Variants in PSTPIP2 observed in about 807,000 individuals in gnomAD.
PSTPIP2 encodes proline-serine-threonine phosphatase-interacting protein 2.
A neutral mutation model predicts 63.3 loss-of-function variants in PSTPIP2; 33 were observed. That is an observed-to-expected ratio of 0.52 (90% CI 0.40 to 0.70). PSTPIP2 has a LOEUF of 0.70. PSTPIP2 is among the 30% of genes least tolerant of loss of function. PSTPIP2 has a pLI of 0.00. For synonymous variants in PSTPIP2, 125 were observed against 132.7 expected, an observed-to-expected ratio of 0.94 and a Z score of 0.40; for missense variants, 312 against 400.7, an observed-to-expected ratio of 0.78 and a Z score of 1.89.
At chr18:46,016,101 G>T in intron 3 of PSTPIP2, 164 bp from the exon 4 acceptor site, 1 of 687,072 alleles carries the variant, frequency 1.5e-6, no homozygotes, top group Non-Finnish European at 2.5e-6. Flanking sequence ...GACTTCTTAA[G>T]TCCAGTTTCC....
intron 13 of PSTPIP2, 44 bp from the exon 14 acceptor site, chr18:45,988,803 T>G: frequency 2.0e-6 from 3 of 1,464,706 alleles, no homozygotes; most frequent in African/African-American, 1.4e-5. Flanking sequence ...CATCAATTTT[T>G]CATAATAAGA....
At chr18:45,987,146 G>A (rs1180713306) in intron 14 of PSTPIP2, among the ~76,000 whole-genome samples, 1 of 152,090 alleles carries the variant, frequency 6.6e-6, no homozygotes, top group Admixed American at 6.6e-5. Flanking sequence ...GTCATTAGCT[G>A]ATTATTTTTA....
At chr18:45,998,378 T>C (rs1388812966) in intron 8 of PSTPIP2, among the ~76,000 whole-genome samples, 2 of 152,232 alleles carry the variant, frequency 1.3e-5, no homozygotes, top group African/African-American at 4.8e-5. Flanking sequence ...CTTGGCTGTT[T>C]CACAGCAGAT....
At chr18:46,065,080 G>T (rs9952157) in intron 1 of PSTPIP2, among the ~76,000 whole-genome samples, 15,512 of 146,978 alleles carry the variant, frequency 0.11, 1,051 homozygotes, top group East Asian at 0.39. Context: ...GGAGGCGGAG[G>T]TTACAGTGAG....
intron 1 of PSTPIP2, among the ~76,000 whole-genome samples, chr18:46,058,729 C>G (rs1185703016): frequency 2.6e-5 from 4 of 152,206 alleles, no homozygotes; most frequent in African/African-American, 4.8e-5. Context: ...ATAGGCGGTT[C>G]TCTCTGCTTA....
intron 1 of PSTPIP2, among the ~76,000 whole-genome samples, chr18:46,041,255 T>C (rs1460738314): frequency 6.6e-6 from 1 of 152,150 alleles, no homozygotes; most frequent in East Asian, 1.9e-4. Flanking sequence ...TGTTTTGTTT[T>C]GTTCTGTTTT....
At chr18:46,021,185 A>G (rs149767386) in intron 3 of PSTPIP2, among the ~76,000 whole-genome samples, 1 of 152,332 alleles carries the variant, frequency 6.6e-6, no homozygotes, top group Non-Finnish European at 1.5e-5. Context: ...TATTCAAAAA[A>G]TAAAACTAAG....
At chr18:46,014,264 T>C (rs905494137) in intron 4 of PSTPIP2, among the ~76,000 whole-genome samples, 1 of 151,712 alleles carries the variant, frequency 6.6e-6, no homozygotes, top group African/African-American at 2.4e-5. Flanking sequence ...TCAGGTAACC[T>C]GCCCGCCTTG....
At chr18:46,064,867 G>A (rs571313445) in intron 1 of PSTPIP2, among the ~76,000 whole-genome samples, 44 of 152,064 alleles carry the variant, frequency 2.9e-4, no homozygotes, top group Non-Finnish European at 4.3e-4. Context: ...ACACTGGGCC[G>A]GGTGCGGTGG....
chr18:46,047,596 A>C lies in PSTPIP2; in HGVS notation c.34-7549T>G, dbSNP rs949033332. ...AACAGAGCGAGAATGTGCCTGAGGCAGGAGAATCGCTTGAACGTGGGAAAC... is the reference window on the plus strand; with the variant it reads ...AACAGAGCGAGAATGTGCCTGAGGCCGGAGAATCGCTTGAACGTGGGAAAC... On this transcript the variant is annotated intron_variant, in intron 1 of 14. Transcript: ENST00000409746. Among the ~76,000 whole-genome samples, 5 of 152,334 alleles carry C rather than the reference A, an allele frequency of 3.3e-5. No homozygotes were observed. The East Asian group carries it at 7.7e-4, about 24-fold the overall frequency.
At chr18:46,065,236 C>T (rs570767744) in intron 1 of PSTPIP2, among the ~76,000 whole-genome samples, 2 of 149,228 alleles carry the variant, frequency 1.3e-5, no homozygotes, top group Non-Finnish European at 3.0e-5. Flanking sequence ...GTATCACTCA[C>T]AAAACTTTTC....
intron 2 of PSTPIP2, chr18:46,028,232 T>G (rs978017614): frequency 2.6e-6 from 1 of 388,548 alleles, no homozygotes; most frequent in African/African-American, 2.2e-5. Context: ...AACCTAACGA[T>G]GCCGCGGGAA....
intron 14 of PSTPIP2, among the ~76,000 whole-genome samples, chr18:45,986,710 T>C (rs1025476382): frequency 6.6e-6 from 1 of 152,226 alleles, no homozygotes; most frequent in African/African-American, 2.4e-5. Flanking sequence ...CTAAGTTATA[T>C]ATAGTTAAAG....
chr18:46,000,609 C>G (rs952524279), intron 6 of PSTPIP2, among the ~76,000 whole-genome samples: 1 of 152,192 alleles, frequency 6.6e-6, no homozygotes, highest in African/African-American at 2.4e-5. Flanking sequence ...CTCAGGTGAT[C>G]CACCCGCCTC....
chr18:46,069,250 C>T (rs1909306878), intron 1 of PSTPIP2, among the ~76,000 whole-genome samples: 2 of 152,322 alleles, frequency 1.3e-5, no homozygotes, highest in South Asian at 4.1e-4. Context: ...GTCTGATCAT[C>T]CCAAAAACTG....
In PSTPIP2 at chr18:46,031,676, CA is replaced by C. The variant is rs1907791112; in HGVS notation, c.135-6991del. Reference sequence around the variant, plus strand: ...TTCATTTTTAAAAATATATAATATACAGGCATTTTATCCTTTTAGCCGCAGA... The same window carrying C: ...TTCATTTTTAAAAATATATAATATACGGCATTTTATCCTTTTAGCCGCAGA... On this transcript the variant is annotated intron_variant, in intron 2 of 14. Coordinates refer to ENST00000409746, the MANE Select transcript of PSTPIP2 (RefSeq NM_024430.4). Among the ~76,000 whole-genome samples the C allele has an allele frequency of 3.9e-5, 6 of 152,136 alleles. No individual in the cohort carries two copies. In the South Asian group the frequency reaches 1.2e-3, roughly 32 times the overall value.
At chr18:45,986,491 T>C (rs1263268852) in intron 14 of PSTPIP2, among the ~76,000 whole-genome samples, 1 of 152,194 alleles carries the variant, frequency 6.6e-6, no homozygotes, top group Non-Finnish European at 1.5e-5. Flanking sequence ...AAAGAAACAC[T>C]TAGGACTGCC....
At chr18:46,031,315 A>G (rs970071489) in intron 2 of PSTPIP2, among the ~76,000 whole-genome samples, 8 of 151,934 alleles carry the variant, frequency 5.3e-5, no homozygotes, top group African/African-American at 1.7e-4. Flanking sequence ...TGCTCCTGGT[A>G]CTGTGGGCAG....
chr18:46,071,466 C>T (rs1377443704), intron 1 of PSTPIP2, among the ~76,000 whole-genome samples: 1 of 152,248 alleles, frequency 6.6e-6, no homozygotes, highest in Non-Finnish European at 1.5e-5. Flanking sequence ...CCCTACCGGG[C>T]TGGGTGGGGT....
Sources: gnomAD v4.1 joint callset for allele counts (sites outside exome capture counted in the v4.1 genomes callset) on GRCh38, gnomAD v4.1.1 for gene constraint, MANE v1.5 for transcripts, NCBI Gene and HGNC (gene_info 2026-07-23, HGNC 2026-07-21) for gene names.